The following CTNNA3 variants were observed in gnomAD, a reference collection of about 807,000 sequenced individuals.
The protein encoded by CTNNA3 is catenin alpha-3.
Under a neutral mutation model 95.7 loss-of-function variants are expected in CTNNA3, and 76 were observed. That is an observed-to-expected ratio of 0.79 (90% CI 0.66 to 0.96). The LOEUF (loss-of-function observed/expected upper bound fraction) is 0.96. Ranked by LOEUF, CTNNA3 falls within the 40% of genes least tolerant of loss-of-function variation. CTNNA3 has a pLI of 0.00. For synonymous variants in CTNNA3, 431 were observed against 374.4 expected (o/e 1.15, Z -1.74); for missense variants, 1,191 against 1,089.8 (o/e 1.09, Z -1.31).
At chr10:67,068,665 T>C (rs991661906) in intron 7 of CTNNA3, among the ~76,000 whole-genome samples, 1 of 152,106 alleles carries the variant, frequency 6.6e-6, no homozygotes, top group Non-Finnish European at 1.5e-5. Flanking sequence ...GGAGAGAGTT[T>C]TAATAAAATG....
intron 7 of CTNNA3, among the ~76,000 whole-genome samples, chr10:67,038,123 T>C (rs1854177985): frequency 6.6e-6 from 1 of 152,176 alleles, no homozygotes; most frequent in East Asian, 1.9e-4. Flanking sequence ...ATGAGTATTG[T>C]AGAGCAAGCA....
intron 12 of CTNNA3, among the ~76,000 whole-genome samples, chr10:66,292,081 A>ACG (rs2091692209): frequency 6.6e-6 from 1 of 151,520 alleles, no homozygotes; most frequent in Non-Finnish European, 1.5e-5. Flanking sequence ...ACAGATACAC[A>ACG]CACACACACA....
At chr10:66,520,844 A>G in intron 10 of CTNNA3, 71 bp from the exon 11 acceptor site, 1 of 1,117,308 alleles carries the variant, frequency 9.0e-7, no homozygotes. Flanking sequence ...GGGCACACTA[A>G]AAGCCCACAC....
At chr10:66,982,587 A>G (rs1850502182) in intron 7 of CTNNA3, among the ~76,000 whole-genome samples, 1 of 152,184 alleles carries the variant, frequency 6.6e-6, no homozygotes, top group Non-Finnish European at 1.5e-5. Flanking sequence ...TAAGAATAAA[A>G]CAGTAGGTAC....
intron 9 of CTNNA3, among the ~76,000 whole-genome samples, chr10:66,747,213 C>A (rs1393971000): frequency 6.6e-6 from 1 of 152,148 alleles, no homozygotes; most frequent in Non-Finnish European, 1.5e-5. Flanking sequence ...GGCCTTAATG[C>A]TTTTTAATTT....
intron 5 of CTNNA3, among the ~76,000 whole-genome samples, chr10:67,235,364 T>C (rs1865406849): frequency 6.6e-6 from 1 of 152,042 alleles, no homozygotes. Flanking sequence ...ATGCCACATA[T>C]CTACAACTAT....
intron 10 of CTNNA3, among the ~76,000 whole-genome samples, chr10:66,614,494 C>G (rs957270199): frequency 2.0e-5 from 3 of 151,938 alleles, no homozygotes; most frequent in Non-Finnish European, 2.9e-5. Context: ...TGCCCTAGCC[C>G]AAATACTTTG....
intron 1 of CTNNA3, among the ~76,000 whole-genome samples, chr10:67,735,039 G>A (rs549410798): frequency 1.7e-4 from 25 of 151,506 alleles, no homozygotes; most frequent in Admixed American, 2.0e-4. Flanking sequence ...GTTTCTAAAG[G>A]TACACAATGT....
chr10:66,988,030 ATAATT>A (rs766888171), intron 7 of CTNNA3, among the ~76,000 whole-genome samples: 1 of 152,192 alleles, frequency 6.6e-6, no homozygotes. Flanking sequence ...TTTATTTAAT[ATAATT>A]TAGTCTTTTT....
intron 2 of CTNNA3, among the ~76,000 whole-genome samples, chr10:67,640,920 A>G (rs1363729150): frequency 1.3e-5 from 2 of 152,182 alleles, no homozygotes; most frequent in Admixed American, 6.5e-5. Flanking sequence ...AAACCTAGGC[A>G]ATACCATTCA....
chr10:66,566,558 T>A (rs2132149948), intron 10 of CTNNA3, among the ~76,000 whole-genome samples: 1 of 150,576 alleles, frequency 6.6e-6, no homozygotes, highest in East Asian at 1.9e-4. Context: ...TATTTTTGAG[T>A]TGAATGAAAA....
chr10:67,387,911 C>T (rs1844261697), intron 5 of CTNNA3, among the ~76,000 whole-genome samples: 1 of 152,134 alleles, frequency 6.6e-6, no homozygotes, highest in African/African-American at 2.4e-5. Context: ...CCCATCTGTA[C>T]ATCACCATCA....
chr10:66,521,337 A>T (rs4548514), intron 10 of CTNNA3, among the ~76,000 whole-genome samples: 36,309 of 152,074 alleles, frequency 0.24, 5,357 homozygotes, highest in East Asian at 0.79. Flanking sequence ...GCATTTAATC[A>T]ATCCTTAACT....
At chr10:67,218,790 A>G (rs535463759) in intron 6 of CTNNA3, among the ~76,000 whole-genome samples, 2 of 152,346 alleles carry the variant, frequency 1.3e-5, no homozygotes, top group Admixed American at 1.3e-4. Context: ...GGTTACTACA[A>G]TAGCCTCCAG....
intron 7 of CTNNA3, among the ~76,000 whole-genome samples, chr10:66,942,559 T>C (rs1301395774): frequency 6.6e-6 from 1 of 151,656 alleles, no homozygotes; most frequent in Non-Finnish European, 1.5e-5. Flanking sequence ...TCTCTCTCTC[T>C]CTCTCTCTCT....
intron 12 of CTNNA3, among the ~76,000 whole-genome samples, chr10:66,328,933 T>TATATATATATATATATAC (rs59003281): frequency 7.0e-4 from 81 of 115,374 alleles, no homozygotes; most frequent in East Asian, 2.9e-3. Context: ...TATATATATA[T>TATATATATATATATATAC]ACACACACAC....
intron 13 of CTNNA3, among the ~76,000 whole-genome samples, chr10:66,239,956 A>G (rs1194101726): frequency 6.6e-6 from 1 of 152,032 alleles, no homozygotes; most frequent in Admixed American, 6.5e-5. Flanking sequence ...TCTATACCAT[A>G]TAGATGGATC....
chr10:65,959,681 C>G (rs1260641542), intron 17 of CTNNA3, among the ~76,000 whole-genome samples: 1 of 152,182 alleles, frequency 6.6e-6, no homozygotes, highest in African/African-American at 2.4e-5. Flanking sequence ...TACACCACCA[C>G]ACCTGGCTAA....
chr10:67,743,044 T>C (rs146183043), intron 1 of CTNNA3, among the ~76,000 whole-genome samples: 5 of 151,090 alleles, frequency 3.3e-5, no homozygotes, highest in African/African-American at 7.3e-5. Context: ...CAGGACCAGA[T>C]GGATTCACAG....
Sources: allele counts gnomAD v4.1 joint callset (sites outside exome capture counted in the v4.1 genomes callset), GRCh38; gene constraint gnomAD v4.1.1; transcripts MANE v1.5; gene names NCBI Gene and HGNC (gene_info 2026-07-23, HGNC 2026-07-21).